The following FOXN1 variants were observed in gnomAD, a reference collection of about 807,000 sequenced individuals.
The protein encoded by FOXN1 is forkhead box N1, also known as forkhead box protein N1.
A neutral mutation model predicts 49.0 loss-of-function variants in FOXN1; 15 were observed. The observed-to-expected ratio is 0.31, with a 90% CI of 0.20 to 0.47. The LOEUF is 0.47. FOXN1 is among the 20% of genes least tolerant of loss of function. FOXN1 has a pLI of 1.00. For missense variants in FOXN1, 800 were observed against 842.8 expected (o/e 0.95, Z 0.63); for synonymous variants, 356 against 369.0 (o/e 0.96, Z 0.40).
chr17:28,533,527 C>T (rs139736295), intron 6 of FOXN1, among the ~76,000 whole-genome samples: 301 of 142,920 alleles, frequency 2.1e-3, no homozygotes, highest in Admixed American at 0.02. Flanking sequence ...CACCAGGGCA[C>T]GCCCCCTGGG....
chr17:28,530,076 C>T (rs546383939), intron 5 of FOXN1, among the ~76,000 whole-genome samples: 2 of 150,974 alleles, frequency 1.3e-5, no homozygotes, highest in African/African-American at 4.9e-5. Context: ...GGAGAAATAT[C>T]TAATGTAGAT....
In FOXN1 at chr17:28,534,663, A is replaced by G; in HGVS notation, c.1136-44A>G. ...GGTTCCAGTCTGGGGAAGACTGTGG[A>G]GGAGGGAGGTCTCATGGTGTTCTTT... On this transcript the variant is annotated intron_variant, in intron 7 of 8. Transcript: ENST00000579795. The surrounding 1 kb of genome is among the most constrained non-coding windows in gnomAD (Gnocchi z 4.1). 1 of 1,612,010 alleles carries G rather than the reference A, an allele frequency of 6.2e-7. No individual in the cohort carries two copies. The highest frequency in any genetic ancestry group is 1.7e-5 in the Admixed American group (1 of 59,866).
rs181483148 is a variant in FOXN1, at chr17:28,535,189, G to C, written c.1618G>C (p.Asp540His). 6.2e-7 allele frequency: 1 copy of C among 1,613,056 alleles called. No homozygotes were observed. Among genetic ancestry groups the C allele is most frequent in the African/African-American group, 1.3e-5 (1 of 74,924 alleles). The change falls in exon 8 of 9, where the codon GAC becomes CAC. Residue 540 changes from aspartate (D) to histidine (H), a missense_variant. This residue lies in a region of FOXN1 where 344 missense variants were observed against 366.1 expected (regional missense o/e 0.94). Transcript: ENST00000579795. Reference protein sequence around the residue: ...DAINPSLTDFDFQGNLWEQLK... With the variant: ...DAINPSLTDFHFQGNLWEQLK... ...CATCAATCCCTCACTCACTGACTTCGACTTCCAGGGTGAGCTGGGGGTGGG... is the reference window on the plus strand; with the variant it reads ...CATCAATCCCTCACTCACTGACTTCCACTTCCAGGGTGAGCTGGGGGTGGG...
Position 28,524,887 on chromosome 17 carries a change from G to A in FOXN1, c.508G>A (p.Ala170Thr), listed in dbSNP as rs767313142. ...CCCAGTGGACGTGGCGGAGGCCGAGGCCTTCCTGCCTGGCTTCTCAGCAGA... is the reference window on the plus strand; with the variant it reads ...CCCAGTGGACGTGGCGGAGGCCGAGACCTTCCTGCCTGGCTTCTCAGCAGA... Reference protein sequence around the residue: ...EIPVDVAEAEAFLPGFSAEAW... With the variant: ...EIPVDVAEAETFLPGFSAEAW... Residue 170 changes from alanine to threonine, a missense_variant, in exon 3 of 9, where the codon GCC becomes ACC. Physicochemically the swap from Ala to Thr is moderately conservative, Grantham distance 58 (BLOSUM62 0). This residue lies in a region of FOXN1 where 383 missense variants were observed against 357.9 expected (regional missense o/e 1.07). Coordinates refer to ENST00000579795, the MANE Select transcript of FOXN1 (RefSeq NM_001369369.1). 5 of 1,613,558 alleles carry A rather than the reference G, an allele frequency of 3.1e-6. No individual in the cohort carries two copies. The highest frequency in any genetic ancestry group is 4.2e-6 in the Non-Finnish European group (5 of 1,180,010).
chr17:28,524,067 T>A lies in FOXN1; in HGVS notation c.98T>A (p.Leu33His), dbSNP rs372813895. Reference protein sequence around the residue: ...RQGDLMQAPGLPGSPAPQSKH... With the variant: ...RQGDLMQAPGHPGSPAPQSKH... ...GGGGACCTCATGCAGGCACCGGGCC[T>A]CCCAGGCTCCCCTGCCCCACAGAGT... The change falls in exon 2 of 9, where the codon CTC becomes CAC. Residue 33 changes from leucine (L) to histidine (H), a missense_variant. Physicochemically the swap from Leu to His is moderately conservative, Grantham distance 99 (BLOSUM62 -3). This residue lies in a region of FOXN1 where 383 missense variants were observed against 357.9 expected (regional missense o/e 1.07). Coordinates refer to ENST00000579795, the MANE Select transcript of FOXN1 (RefSeq NM_001369369.1). 16 of 1,607,430 alleles carry A rather than the reference T, an allele frequency of 1.0e-5. No individual in the cohort carries two copies. Among genetic ancestry groups the A allele is most frequent in the African/African-American group, 1.3e-5 (1 of 74,778 alleles).
rs747815915 is a variant in FOXN1 at position 28,524,558 on chromosome 17, C to G, written c.179C>G (p.Thr60Arg). The G allele has an allele frequency of 1.2e-6, 2 of 1,613,702 alleles. No homozygotes were observed. Among genetic ancestry groups the G allele is most frequent in the Non-Finnish European group, 1.7e-6 (2 of 1,180,004 alleles). ...SFVSDGPPER[T>R]PSLPPHSPRI... ...GTGTCCGACGGCCCTCCAGAGAGGACACCCTCACTGCCCCCACACAGCCCC... is the reference window on the plus strand; with the variant it reads ...GTGTCCGACGGCCCTCCAGAGAGGAGACCCTCACTGCCCCCACACAGCCCC... The change falls in exon 3 of 9, where the codon ACA (threonine) becomes AGA (arginine). Residue 60 changes from threonine (T) to arginine (R), a missense_variant. Coordinates refer to ENST00000579795, the MANE Select transcript of FOXN1 (RefSeq NM_001369369.1).
At chr17:28,523,865 C>T in intron 1 of FOXN1, 91 bp from the exon 2 acceptor site, 1 of 1,196,640 alleles carries the variant, frequency 8.4e-7, no homozygotes, top group Non-Finnish European at 1.2e-6. Context: ...GGGTCCCAGC[C>T]CAAGGATGGG....
In FOXN1 at chr17:28,524,925, C is replaced by T. The variant is rs62640040; in HGVS notation, c.546C>T (p.Asn182=). ...GCTTCTCAGCAGAGGCCTGGTGTAACGGGCTCCCCTACCCCAGCCAGGAGC... is the reference window on the plus strand; with the variant it reads ...GCTTCTCAGCAGAGGCCTGGTGTAATGGGCTCCCCTACCCCAGCCAGGAGC... The part of the protein sequence containing the change: ...LPGFSAEAWC[N]GLPYPSQEHG... The change falls in exon 3 of 9, where the codon AAC becomes AAT. Residue 182 remains asparagine (N), a synonymous_variant. Coordinates refer to ENST00000579795, the MANE Select transcript of FOXN1 (RefSeq NM_001369369.1). 1.8e-3 allele frequency: 2,957 copies of T among 1,612,664 alleles called. 2 individuals are homozygous for T. Among genetic ancestry groups the T allele is most frequent in the Non-Finnish European group, 2.2e-3 (2,654 of 1,180,004 alleles).
At chr17:28,518,710 G>A (rs1395526958) in intron 1 of FOXN1, among the ~76,000 whole-genome samples, 3 of 152,234 alleles carry the variant, frequency 2.0e-5, no homozygotes, top group East Asian at 1.9e-4. Flanking sequence ...ATGCCCAGAC[G>A]CTGAAAAGGT....
intron 1 of FOXN1, among the ~76,000 whole-genome samples, chr17:28,510,239 C>T (rs1031383408): frequency 2.0e-5 from 3 of 152,166 alleles, no homozygotes; most frequent in East Asian, 1.9e-4. Context: ...GGGCTCCCCC[C>T]ACTGCCTCTG....
intron 1 of FOXN1, among the ~76,000 whole-genome samples, chr17:28,509,035 G>A (rs1276734412): frequency 1.4e-5 from 2 of 142,386 alleles, no homozygotes; most frequent in Non-Finnish European, 1.5e-5. Context: ...GGTGGGTGGG[G>A]TTGGGCTGGC....
chr17:28,513,122 A>C (rs922679793), intron 1 of FOXN1, among the ~76,000 whole-genome samples: 6 of 152,206 alleles, frequency 3.9e-5, no homozygotes, highest in Non-Finnish European at 1.5e-5. Context: ...TACAAAAGTT[A>C]ACCAGACTTG....
intron 5 of FOXN1, among the ~76,000 whole-genome samples, chr17:28,530,407 T>C (rs951041446): frequency 6.6e-6 from 1 of 152,212 alleles, no homozygotes; most frequent in African/African-American, 2.4e-5. Flanking sequence ...GAGTGCCTTC[T>C]ATGTGACAGG....
chr17:28,529,106 G>A lies in FOXN1; in HGVS notation c.712G>A (p.Gly238Ser). ...QPPFHQYSPG[G>S]GSYPIPYLGS... ...TTGACCTCCTCAGTACTCGCCAGGT[G>A]GTGGCAGCTACCCCATACCCTACCT... is the stretch of plus-strand genomic sequence containing the variant. Residue 238 changes from glycine to serine, a missense_variant, in exon 5 of 9, where the codon GGT (glycine) becomes AGT (serine). By Grantham distance (56) the Gly-to-Ser change is moderately conservative (BLOSUM62 0). This residue lies in a region of FOXN1 where 383 missense variants were observed against 357.9 expected (regional missense o/e 1.07). Transcript: ENST00000579795. The A allele has an allele frequency of 6.2e-7, 1 of 1,614,136 alleles. No individual in the cohort carries two copies. Among genetic ancestry groups the A allele is most frequent in the South Asian group, 1.1e-5 (1 of 91,080 alleles).
At chr17:28,515,853 C>T (rs567459444) in intron 1 of FOXN1, among the ~76,000 whole-genome samples, 2 of 151,578 alleles carry the variant, frequency 1.3e-5, no homozygotes, top group Non-Finnish European at 2.9e-5. Context: ...CAGGCGTACA[C>T]ACCTCCACAG....
chr17:28,527,737 C>A (rs2151490473), intron 4 of FOXN1, among the ~76,000 whole-genome samples: 1 of 152,330 alleles, frequency 6.6e-6, no homozygotes, highest in Non-Finnish European at 1.5e-5. Context: ...GGTCGAGGAA[C>A]AAGGGCTTCT....
intron 8 of FOXN1, among the ~76,000 whole-genome samples, chr17:28,535,446 ACCT>A (rs2070039426): frequency 6.6e-6 from 1 of 152,046 alleles, no homozygotes; most frequent in Non-Finnish European, 1.5e-5. Context: ...GGTCCAACTG[ACCT>A]CATCATCAAA....
chr17:28,520,963 A>T (rs2069629276), intron 1 of FOXN1, among the ~76,000 whole-genome samples: 1 of 152,218 alleles, frequency 6.6e-6, no homozygotes, highest in African/African-American at 2.4e-5. Flanking sequence ...GCCAGGCCTG[A>T]GGCAACGAGA....
At chr17:28,521,218 G>C (rs1218356585) in intron 1 of FOXN1, among the ~76,000 whole-genome samples, 1 of 152,228 alleles carries the variant, frequency 6.6e-6, no homozygotes, top group Admixed American at 6.5e-5. Flanking sequence ...AGCTGGGGCT[G>C]GAATTCAGCT....
Sources: gnomAD v4.1 joint callset for allele counts (sites outside exome capture counted in the v4.1 genomes callset) on GRCh38, gnomAD v4.1.1 for gene constraint, gnomAD v4.1.1 regional missense constraint, Gnocchi (gnomAD v3.1) non-coding constraint, MANE v1.5 for transcripts, NCBI Gene and HGNC (gene_info 2026-07-23, HGNC 2026-07-21) for gene names.